The following DOCK2 variants were observed in gnomAD, a reference collection of about 807,000 sequenced individuals.
The protein encoded by DOCK2 is dedicator of cytokinesis protein 2.
Under a neutral mutation model 248.9 loss-of-function variants are expected in DOCK2, and 87 were observed. The ratio of observed to expected loss-of-function variants is 0.35; its 90% CI spans 0.29 to 0.42. DOCK2 has a LOEUF of 0.42. DOCK2 is among the 10% of genes least tolerant of loss of function. The pLI is 1.00. For missense variants in DOCK2, 1,747 were observed against 2,300.2 expected, an observed-to-expected ratio of 0.76 and a Z score of 4.92; for synonymous variants, 805 against 821.6, an observed-to-expected ratio of 0.98 and a Z score of 0.35.
chr5:169,810,981 TCTCTCTCTCACACACACACACA>T (rs1179878187), intron 26 of DOCK2, among the ~76,000 whole-genome samples: 1 of 142,034 alleles, frequency 7.0e-6, no homozygotes, highest in Non-Finnish European at 1.5e-5. Flanking sequence ...ACTCTCTCTC[TCTCTCTCTCACACACACACACA>T]CACACACACA....
At chr5:169,835,564 G>C (rs1769521008) in intron 26 of DOCK2, among the ~76,000 whole-genome samples, 1 of 151,950 alleles carries the variant, frequency 6.6e-6, no homozygotes, top group Non-Finnish European at 1.5e-5. Context: ...CAAAATGCTT[G>C]TTTTCTATGG....
At chr5:169,780,276 G>T (rs1765627586) in intron 25 of DOCK2, among the ~76,000 whole-genome samples, 1 of 148,978 alleles carries the variant, frequency 6.7e-6, no homozygotes, top group Non-Finnish European at 1.5e-5. Context: ...TAAGTTTTAA[G>T]GCTCCCCCAA....
chr5:169,637,304 G>C lies in DOCK2; in HGVS notation c.-23G>C. 2 of 1,429,790 alleles carry C rather than the reference G, an allele frequency of 1.4e-6. No homozygotes were observed. Among genetic ancestry groups the C allele is most frequent in the Admixed American group, 2.9e-5 (1 of 34,562 alleles). 88.6% of individuals were successfully genotyped at this position (1,429,790 alleles called of 1,614,324 possible). On this transcript the variant is annotated 5_prime_UTR_variant, in exon 1 of 52. Coordinates refer to ENST00000520908, the MANE Select transcript of DOCK2 (RefSeq NM_004946.3). ...ACCCCCTGACGGCTTCCCCACGGGA[G>C]GACGCGAGGCCCCGGCCCAGCCATG...
rs534581325 is a variant in DOCK2, at chr5:170,024,257, A to G, written c.3382-3606A>G. On this transcript the variant is annotated intron_variant, in intron 33 of 51. Transcript: ENST00000520908. ...TGTAGCTGTGGATGAAAATGGAAGTAATTTGGAGAAGCCAGAGCTACATCC... is the reference window on the plus strand; with the variant it reads ...TGTAGCTGTGGATGAAAATGGAAGTGATTTGGAGAAGCCAGAGCTACATCC... Among the ~76,000 whole-genome samples, 143 of 152,096 alleles carry G rather than the reference A, an allele frequency of 9.4e-4. 1 individual carries two copies. Among genetic ancestry groups the G allele is most frequent in the African/African-American group, 3.1e-3 (129 of 41,468 alleles).
At chr5:169,747,171 AG>A (rs1357749964) in intron 22 of DOCK2, among the ~76,000 whole-genome samples, 1 of 152,194 alleles carries the variant, frequency 6.6e-6, no homozygotes, top group Non-Finnish European at 1.5e-5. Context: ...ATACGGCAGA[AG>A]GTGTATGCCC....
chr5:169,943,385 G>A (rs923580153), intron 27 of DOCK2, among the ~76,000 whole-genome samples: 11 of 152,160 alleles, frequency 7.2e-5, no homozygotes, highest in South Asian at 2.1e-4. Flanking sequence ...CCTGTGGCCC[G>A]CGGGCCATAT....
chr5:169,883,107 A>T, intron 27 of DOCK2: 1 of 1,551,672 alleles, frequency 6.4e-7, no homozygotes, highest in Non-Finnish European at 8.7e-7. Flanking sequence ...TGTGGCTGGC[A>T]ACGCTGGTGG....
At chr5:169,670,695 C>T in intron 4 of DOCK2, 98 bp downstream of exon 4, 2 of 1,391,130 alleles carry the variant, frequency 1.4e-6, no homozygotes, top group Non-Finnish European at 2.0e-6. Flanking sequence ...CTGAGGGTTG[C>T]TCAGCTTATC....
chr5:169,679,246 A>G (rs577573305), intron 6 of DOCK2, among the ~76,000 whole-genome samples: 1 of 152,286 alleles, frequency 6.6e-6, no homozygotes, highest in East Asian at 1.9e-4. Context: ...ATAAATGCAT[A>G]CAGTGGGGCC....
chr5:169,984,183 T>A (rs1470082654), intron 28 of DOCK2, among the ~76,000 whole-genome samples: 2 of 152,196 alleles, frequency 1.3e-5, no homozygotes, highest in African/African-American at 4.8e-5. Flanking sequence ...GTAGCTAGTA[T>A]GTGGTGGAGG....
chr5:169,753,805 C>G (rs555218843), intron 23 of DOCK2, among the ~76,000 whole-genome samples: 73 of 152,312 alleles, frequency 4.8e-4, no homozygotes, highest in Middle Eastern at 3.4e-3. Flanking sequence ...CCTGAGAGAG[C>G]TGCATTTATT....
intron 27 of DOCK2, among the ~76,000 whole-genome samples, chr5:169,909,674 T>A (rs1304741358): frequency 3.3e-5 from 5 of 152,238 alleles, no homozygotes; most frequent in African/African-American, 1.2e-4. Context: ...TCTAAACCTA[T>A]AATACATCTA....
chr5:169,746,193 G>T (rs536589338), intron 22 of DOCK2, among the ~76,000 whole-genome samples: 1 of 152,086 alleles, frequency 6.6e-6, no homozygotes, highest in African/African-American at 2.4e-5. Context: ...GGGAGGGTGG[G>T]GAGAGAACTA....
chr5:169,708,383 G>C, intron 15 of DOCK2, 116 bp downstream of exon 15: 1 of 1,041,052 alleles, frequency 9.6e-7, no homozygotes, highest in Non-Finnish European at 1.4e-6. Flanking sequence ...TGTGAGGTTT[G>C]TACTAATATT....
intron 2 of DOCK2, among the ~76,000 whole-genome samples, chr5:169,658,968 T>G (rs1451727002): frequency 1.0e-4 from 15 of 149,000 alleles, no homozygotes; most frequent in Admixed American, 4.7e-4. Flanking sequence ...TTGCTTCCAA[T>G]CTACAAGACT....
At chr5:169,815,760 C>G (rs1339792450) in intron 26 of DOCK2, among the ~76,000 whole-genome samples, 1 of 152,114 alleles carries the variant, frequency 6.6e-6, no homozygotes, top group Non-Finnish European at 1.5e-5. Context: ...CTCCTTCCCC[C>G]TAGTCCTGGC....
At chr5:169,996,327 T>G (rs1754634674) in intron 30 of DOCK2, among the ~76,000 whole-genome samples, 163 bp downstream of exon 30, 1 of 152,210 alleles carries the variant, frequency 6.6e-6, no homozygotes, top group Non-Finnish European at 1.5e-5. Flanking sequence ...TCTCAGGCTT[T>G]CAACCAGGGC....
intron 27 of DOCK2, among the ~76,000 whole-genome samples, chr5:169,951,013 G>A (rs1776641786): frequency 6.6e-6 from 1 of 152,166 alleles, no homozygotes; most frequent in African/African-American, 2.4e-5. Flanking sequence ...CAGCTGCTCC[G>A]AAGTCAGATT....
chr5:169,990,905 C>G (rs1778190168), intron 29 of DOCK2, among the ~76,000 whole-genome samples: 1 of 152,238 alleles, frequency 6.6e-6, no homozygotes, highest in Non-Finnish European at 1.5e-5. Context: ...CTCATATCCT[C>G]CTGCCCCAGA....
Sources: allele counts gnomAD v4.1 joint callset (sites outside exome capture counted in the v4.1 genomes callset), GRCh38; gene constraint gnomAD v4.1.1; transcripts MANE v1.5; gene names NCBI Gene and HGNC (gene_info 2026-07-23, HGNC 2026-07-21).